Variants in MAPK8 observed in about 807,000 individuals in gnomAD.
The protein encoded by MAPK8 is JUN N-terminal kinase.
A neutral mutation model predicts 52.9 loss-of-function variants in MAPK8; 13 were observed. That is an observed-to-expected ratio of 0.25 (90% CI 0.16 to 0.39). MAPK8 has a LOEUF of 0.39. Ranked by LOEUF, MAPK8 falls within the 10% of genes least tolerant of loss-of-function variation. The pLI is 1.00. For missense variants in MAPK8, 300 were observed against 519.2 expected (o/e 0.58, Z 4.10); for synonymous variants, 191 against 169.8 (o/e 1.12, Z -0.97).
chr10:48,403,734 G>GTTTTTTGT (rs1256497998), intron 2 of MAPK8, among the ~76,000 whole-genome samples: 9 of 150,360 alleles, frequency 6.0e-5, no homozygotes, highest in East Asian at 2.0e-4. Flanking sequence ...TTTGTTTTTT[G>GTTTTTTGT]TTTTTTGTTT....
intron 1 of MAPK8, among the ~76,000 whole-genome samples, chr10:48,342,250 C>A (rs1249149612): frequency 6.6e-6 from 1 of 152,034 alleles, no homozygotes; most frequent in Non-Finnish European, 1.5e-5. Context: ...ACTACAGGCA[C>A]ACACCACCTC....
intron 1 of MAPK8, among the ~76,000 whole-genome samples, chr10:48,330,758 A>C (rs1844058704): frequency 1.3e-5 from 2 of 152,090 alleles, no homozygotes; most frequent in Admixed American, 6.6e-5. Flanking sequence ...GACGTTGCCT[A>C]AGTTTCATTA....
chr10:48,344,784 A>G (rs150618489), intron 1 of MAPK8, among the ~76,000 whole-genome samples: 3 of 152,332 alleles, frequency 2.0e-5, no homozygotes. Flanking sequence ...TGCCCAAACC[A>G]TATAATTAGA....
At chr10:48,320,243 T>TTTTTTTTTTTTTTTTTA (rs1554809169) in intron 1 of MAPK8, among the ~76,000 whole-genome samples, 1 of 133,396 alleles carries the variant, frequency 7.5e-6, no homozygotes, top group African/African-American at 3.1e-5. Context: ...TTTTTTTTTT[T>TTTTTTTTTTTTTTTTTA]AAATTAGATC....
At chr10:48,342,559 A>C (rs1340553721) in intron 1 of MAPK8, among the ~76,000 whole-genome samples, 1 of 152,222 alleles carries the variant, frequency 6.6e-6, no homozygotes, top group Non-Finnish European at 1.5e-5. Flanking sequence ...GAATATGGCA[A>C]ACCTATTAGG....
At chr10:48,365,177 G>A (rs11101305) in intron 1 of MAPK8, among the ~76,000 whole-genome samples, 3,486 of 152,208 alleles carry the variant, frequency 0.023, 142 homozygotes, top group African/African-American at 0.08. Flanking sequence ...CAGCTAAGCC[G>A]TGTAAAACAG....
At chr10:48,333,635 C>G (rs1473381629) in intron 1 of MAPK8, among the ~76,000 whole-genome samples, 1 of 147,106 alleles carries the variant, frequency 6.8e-6, no homozygotes, top group East Asian at 2.0e-4. Flanking sequence ...GATCAGGTTC[C>G]TCTTCTAATA....
At chr10:48,357,023 G>C (rs117002501) in intron 1 of MAPK8, among the ~76,000 whole-genome samples, 2,525 of 151,868 alleles carry the variant, frequency 0.017, 31 homozygotes, top group Non-Finnish European at 0.027. Context: ...CTGATAAAAG[G>C]TAACACTTCG....
At chr10:48,391,670 A>G (rs1435851733) in intron 1 of MAPK8, among the ~76,000 whole-genome samples, 1 of 152,140 alleles carries the variant, frequency 6.6e-6, no homozygotes, top group Admixed American at 6.6e-5. Flanking sequence ...GTGTCTTCCA[A>G]TTCCATTCTG....
intron 1 of MAPK8, among the ~76,000 whole-genome samples, chr10:48,368,429 C>A (rs1419289256): frequency 6.6e-6 from 1 of 152,172 alleles, no homozygotes; most frequent in African/African-American, 2.4e-5. Context: ...CCTCTCCCCG[C>A]ATGTTGGCTT....
intron 1 of MAPK8, among the ~76,000 whole-genome samples, chr10:48,327,928 T>G (rs973310971): frequency 6.6e-6 from 1 of 152,208 alleles, no homozygotes; most frequent in Non-Finnish European, 1.5e-5. Flanking sequence ...TTCATAGTAT[T>G]CCTTTGTTGT....
At chr10:48,334,377 G>C (rs1278422629) in intron 1 of MAPK8, among the ~76,000 whole-genome samples, 1 of 152,100 alleles carries the variant, frequency 6.6e-6, no homozygotes, top group Middle Eastern at 3.2e-3. Context: ...TTCCCTCGCA[G>C]AACGGAACTG....
chr10:48,401,887 T>C (rs1475969847), intron 2 of MAPK8, 105 bp downstream of exon 2: 1 of 977,260 alleles, frequency 1.0e-6, no homozygotes, highest in East Asian at 3.1e-5. Context: ...TTTGAAAAAT[T>C]AAATTAAAAC....
At chr10:48,335,737 G>C (rs937550044) in intron 1 of MAPK8, among the ~76,000 whole-genome samples, 2 of 152,142 alleles carry the variant, frequency 1.3e-5, no homozygotes, top group Admixed American at 6.5e-5. Flanking sequence ...CTGTACTTCA[G>C]TATATAGCAA....
chr10:48,409,746 T>A, intron 3 of MAPK8, 133 bp from the exon 4 acceptor site: 3 of 659,500 alleles, frequency 4.5e-6, no homozygotes, highest in Non-Finnish European at 7.8e-6. Flanking sequence ...ATGAAAGCAA[T>A]TAACTTGAGC....
intron 1 of MAPK8, among the ~76,000 whole-genome samples, chr10:48,363,263 A>G (rs1847722148): frequency 1.3e-5 from 2 of 152,190 alleles, no homozygotes; most frequent in African/African-American, 4.8e-5. Flanking sequence ...CCATAATTGA[A>G]TGTGAGTCCC....
intron 1 of MAPK8, among the ~76,000 whole-genome samples, chr10:48,336,986 A>G (rs1844749789): frequency 6.6e-6 from 1 of 152,228 alleles, no homozygotes; most frequent in South Asian, 2.1e-4. Flanking sequence ...TAAAACAAAT[A>G]CTACTAGACT....
intron 11 of MAPK8, among the ~76,000 whole-genome samples, chr10:48,433,123 CT>C (rs2044484849): frequency 6.6e-6 from 1 of 152,152 alleles, no homozygotes; most frequent in African/African-American, 2.4e-5. Flanking sequence ...CCATGTGAGA[CT>C]AAAGATTTTC....
intron 1 of MAPK8, among the ~76,000 whole-genome samples, chr10:48,361,677 A>T (rs1847540447): frequency 6.6e-6 from 1 of 151,942 alleles, no homozygotes; most frequent in Non-Finnish European, 1.5e-5. Flanking sequence ...TTTCCTTTCT[A>T]CCCTGATGAC....
Sources: allele counts gnomAD v4.1 joint callset (sites outside exome capture counted in the v4.1 genomes callset), GRCh38; gene constraint gnomAD v4.1.1; transcripts MANE v1.5; gene names NCBI Gene and HGNC (gene_info 2026-07-23, HGNC 2026-07-21).